The following PIBF1 variants were observed in gnomAD, a reference collection of about 807,000 sequenced individuals.
PIBF1 encodes the protein progesterone-induced-blocking factor 1.
Under a neutral mutation model 112.5 loss-of-function variants are expected in PIBF1, and 90 were observed. The observed-to-expected ratio is 0.80, with a 90% CI of 0.67 to 0.95. PIBF1 has a LOEUF of 0.95. PIBF1 is among the 40% of genes least tolerant of loss of function. The pLI is 0.00. For synonymous variants in PIBF1, 301 were observed against 288.6 expected, an observed-to-expected ratio of 1.04 and a Z score of -0.44; for missense variants, 915 against 852.3, an observed-to-expected ratio of 1.07 and a Z score of -0.92.
intron 10 of PIBF1, among the ~76,000 whole-genome samples, chr13:72,881,929 GA>G (rs1227454438): frequency 1.3e-5 from 2 of 150,814 alleles, no homozygotes; most frequent in East Asian, 1.9e-4. Flanking sequence ...CACAAGAGTA[GA>G]AAAAAAAATC....
chr13:73,014,622 T>C (rs1420591168), intron 17 of PIBF1, among the ~76,000 whole-genome samples: 1 of 152,184 alleles, frequency 6.6e-6, no homozygotes, highest in African/African-American at 2.4e-5. Flanking sequence ...ACCATTGTGC[T>C]AAGGGATATT....
rs1241251980 is a variant in PIBF1 at position 72,917,200 on chromosome 13, C to G, written c.1730+34C>G. Reference sequence around the variant, plus strand: ...AATATATATTTATTTTATTTATCTACTCAAGATGAATGTAATTACATTTGT... The same window carrying G: ...AATATATATTTATTTTATTTATCTAGTCAAGATGAATGTAATTACATTTGT... On this transcript the variant is annotated intron_variant, in intron 13 of 17. Transcript: ENST00000326291. 4 of 1,255,492 alleles carry G rather than the reference C, an allele frequency of 3.2e-6. No homozygotes were observed. The East Asian group carries it at 1.0e-4, about 32-fold the overall frequency. 77.8% of individuals were successfully genotyped at this position (1,255,492 alleles called of 1,614,324 possible).
chr13:72,918,194 T>C (rs1721922590), intron 13 of PIBF1, among the ~76,000 whole-genome samples: 1 of 152,106 alleles, frequency 6.6e-6, no homozygotes, highest in Non-Finnish European at 1.5e-5. Flanking sequence ...GCCTCTATAA[T>C]GTAGCTCTAT....
intron 17 of PIBF1, among the ~76,000 whole-genome samples, chr13:73,000,086 G>A (rs560864385): frequency 1.5e-4 from 23 of 152,300 alleles, no homozygotes; most frequent in African/African-American, 4.3e-4. Context: ...TTAAGGATAC[G>A]TGTGGCAGTA....
chr13:72,787,204 A>C (rs1007204583), intron 2 of PIBF1, among the ~76,000 whole-genome samples: 10 of 152,208 alleles, frequency 6.6e-5, no homozygotes, highest in African/African-American at 2.4e-4. Flanking sequence ...TTATTTGTTT[A>C]TGTATAAATT....
chr13:73,009,269 G>C (rs2044126907), intron 17 of PIBF1, among the ~76,000 whole-genome samples: 1 of 152,314 alleles, frequency 6.6e-6, no homozygotes, highest in African/African-American at 2.4e-5. Flanking sequence ...TAGCAGCAAG[G>C]AAGGCTGATA....
At chr13:72,855,051 C>G (rs757409459) in intron 10 of PIBF1, among the ~76,000 whole-genome samples, 1 of 151,942 alleles carries the variant, frequency 6.6e-6, no homozygotes, top group Non-Finnish European at 1.5e-5. Flanking sequence ...ATTTTTTTAA[C>G]TTTTCATTTT....
chr13:72,889,368 C>T (rs2039973889), intron 10 of PIBF1, among the ~76,000 whole-genome samples: 2 of 152,056 alleles, frequency 1.3e-5, no homozygotes, highest in Admixed American at 1.3e-4. Context: ...AACCTCTGCC[C>T]CACTTGCTTG....
chr13:72,862,451 T>C (rs765919393), intron 10 of PIBF1, among the ~76,000 whole-genome samples: 89 of 152,144 alleles, frequency 5.8e-4, no homozygotes, highest in African/African-American at 1.9e-3. Flanking sequence ...ATAAATAAAT[T>C]AATTAATTTG....
chr13:72,843,142 C>T (rs1471747653), intron 9 of PIBF1, among the ~76,000 whole-genome samples: 1 of 152,142 alleles, frequency 6.6e-6, no homozygotes, highest in Non-Finnish European at 1.5e-5. Flanking sequence ...AGGAAAGAAA[C>T]ATGACTTACT....
chr13:72,919,124 C>G (rs1364247885), intron 13 of PIBF1, among the ~76,000 whole-genome samples: 1 of 151,090 alleles, frequency 6.6e-6, no homozygotes, highest in Non-Finnish European at 1.5e-5. Flanking sequence ...TTTATGTGAA[C>G]TGATTTAGAC....
chr13:72,927,939 A>G (rs1415130634), intron 13 of PIBF1, among the ~76,000 whole-genome samples: 2 of 126,938 alleles, frequency 1.6e-5, no homozygotes, highest in African/African-American at 3.6e-5. Flanking sequence ...TTTCTAATAT[A>G]TGTGTGTATA....
At chr13:72,968,123 G>T (rs2042794995) in intron 15 of PIBF1, among the ~76,000 whole-genome samples, 1 of 151,580 alleles carries the variant, frequency 6.6e-6, no homozygotes, top group Non-Finnish European at 1.5e-5. Context: ...GGCAGAGCTT[G>T]CAGTGAGCCG....
intron 14 of PIBF1, among the ~76,000 whole-genome samples, chr13:72,951,101 ATAAT>A (rs1006775415): frequency 1.3e-5 from 2 of 152,228 alleles, no homozygotes; most frequent in Non-Finnish European, 2.9e-5. Context: ...TTCTTTGTGG[ATAAT>A]TAGTCACATT....
chr13:73,012,593 A>AC (rs960977831), intron 17 of PIBF1, among the ~76,000 whole-genome samples: 83 of 151,496 alleles, frequency 5.5e-4, no homozygotes, highest in African/African-American at 1.9e-3. Context: ...ACAAAAAAAA[A>AC]CAAAAAAAAC....
intron 16 of PIBF1, among the ~76,000 whole-genome samples, chr13:72,991,314 A>G (rs1342410876): frequency 6.6e-6 from 1 of 152,202 alleles, no homozygotes; most frequent in Non-Finnish European, 1.5e-5. Context: ...GAAATTTCAC[A>G]AGAACATCCT....
At chr13:72,962,455 C>T (rs1287645220) in intron 14 of PIBF1, among the ~76,000 whole-genome samples, 3 of 151,810 alleles carry the variant, frequency 2.0e-5, no homozygotes, top group Admixed American at 1.3e-4. Flanking sequence ...TAAAATTAGC[C>T]GGGCATGGTG....
intron 9 of PIBF1, among the ~76,000 whole-genome samples, chr13:72,852,897 T>C (rs2038230790): frequency 6.6e-6 from 1 of 152,182 alleles, no homozygotes; most frequent in South Asian, 2.1e-4. Flanking sequence ...TATGGTCCTC[T>C]TAGGCTGTGT....
At chr13:72,868,471 A>G (rs1461702310) in intron 10 of PIBF1, among the ~76,000 whole-genome samples, 1 of 152,222 alleles carries the variant, frequency 6.6e-6, no homozygotes, top group East Asian at 1.9e-4. Flanking sequence ...TTAGCTTCAA[A>G]ATAGTTTATA....
Sources: allele counts gnomAD v4.1 joint callset (sites outside exome capture counted in the v4.1 genomes callset), GRCh38; gene constraint gnomAD v4.1.1; transcripts MANE v1.5; gene names NCBI Gene and HGNC (gene_info 2026-07-23, HGNC 2026-07-21).